The following CORO2A variants were observed in gnomAD, a reference collection of about 807,000 sequenced individuals.
The protein encoded by CORO2A is coronin-2A.
CORO2A carries 47 observed loss-of-function variants against 62.4 expected under a neutral mutation model. The ratio of observed to expected loss-of-function variants is 0.75; its 90% CI spans 0.60 to 0.96. The LOEUF is 0.96. Ranked by LOEUF, CORO2A falls within the 40% of genes least tolerant of loss-of-function variation. The pLI is 0.00. For synonymous variants in CORO2A, 273 were observed against 268.9 expected (o/e 1.02, Z -0.15); for missense variants, 610 against 684.1 (o/e 0.89, Z 1.21).
chr9:98,174,661 T>C (rs1183581264), intron 1 of CORO2A, among the ~76,000 whole-genome samples: 1 of 152,152 alleles, frequency 6.6e-6, no homozygotes, highest in Non-Finnish European at 1.5e-5. Flanking sequence ...TCATGAGATC[T>C]GATGGTTGAA....
At chr9:98,146,632 T>C (rs1356736818) in intron 2 of CORO2A, among the ~76,000 whole-genome samples, 4 of 152,228 alleles carry the variant, frequency 2.6e-5, no homozygotes, top group African/African-American at 9.6e-5. Context: ...CAGAACGTAA[T>C]CCTGGTAACA....
In CORO2A at chr9:98,124,917, A is replaced by C. The variant is rs985551401; in HGVS notation, c.1447-12T>G. The C allele has an allele frequency of 7.7e-6, 12 of 1,556,728 alleles. No homozygotes were observed. The highest frequency in any genetic ancestry group is 1.0e-5 in the Non-Finnish European group (12 of 1,149,060). ...AACATCTGCAGCAACTGGGGAAGAA[A>C]GATCGGAAGGCAGGATCACCATGGT... is the stretch of plus-strand genomic sequence containing the variant. On this transcript the variant is annotated splice_polypyrimidine_tract_variant and intron_variant, in intron 11 of 11. Transcript: ENST00000375077.
chr9:98,140,929 G>T (rs576447518), intron 2 of CORO2A, among the ~76,000 whole-genome samples: 1 of 152,102 alleles, frequency 6.6e-6, no homozygotes, highest in Non-Finnish European at 1.5e-5. Context: ...AAACAAGAAC[G>T]GTAGATTACA....
At chr9:98,130,877 G>T in intron 7 of CORO2A, 78 bp downstream of exon 7, 2 of 1,227,412 alleles carry the variant, frequency 1.6e-6, no homozygotes, top group Non-Finnish European at 2.3e-6. Flanking sequence ...CCTGCCCTGT[G>T]TTCCCAATGG....
intron 1 of CORO2A, among the ~76,000 whole-genome samples, chr9:98,158,675 AAAGG>A (rs1348742626): frequency 3.3e-5 from 5 of 152,128 alleles, no homozygotes. Context: ...AGGGCTTCTC[AAAGG>A]AAGTGACAAC....
intron 7 of CORO2A, among the ~76,000 whole-genome samples, 187 bp downstream of exon 7, chr9:98,130,768 G>A (rs1367727035): frequency 6.6e-6 from 1 of 152,204 alleles, no homozygotes; most frequent in Non-Finnish European, 1.5e-5. Flanking sequence ...AGGTCAAGGT[G>A]TCCAGCCAGA....
intron 1 of CORO2A, among the ~76,000 whole-genome samples, chr9:98,178,418 A>G (rs1828136101): frequency 1.3e-5 from 2 of 152,246 alleles, no homozygotes; most frequent in South Asian, 4.1e-4. Context: ...ATTTTTCAGT[A>G]CGAATCTTTA....
intron 1 of CORO2A, among the ~76,000 whole-genome samples, chr9:98,183,656 A>G (rs949625842): frequency 6.6e-6 from 1 of 152,228 alleles, no homozygotes; most frequent in African/African-American, 2.4e-5. Context: ...AAAAAATACA[A>G]ATTTAAAAAT....
intron 8 of CORO2A, 134 bp from the exon 9 acceptor site, chr9:98,128,853 G>A (rs1015161090): frequency 7.1e-5 from 47 of 659,054 alleles, no homozygotes; most frequent in Non-Finnish European, 1.1e-4. Context: ...GACAAATACC[G>A]ACACTGGGCT....
intron 2 of CORO2A, among the ~76,000 whole-genome samples, chr9:98,141,173 T>G (rs76790287): frequency 6.6e-6 from 1 of 151,774 alleles, no homozygotes; most frequent in Non-Finnish European, 1.5e-5. Context: ...GTGATGTGCA[T>G]GGAGGGAGGT....
Position 98,192,593 on chromosome 9 carries a change from G to GCGGCGT in CORO2A, c.-41_-36dup, listed in dbSNP as rs1333957686. On this transcript the variant is annotated 5_prime_UTR_variant, in exon 1 of 12. Coordinates refer to ENST00000375077, the MANE Select transcript of CORO2A (RefSeq NM_052820.4). ...TGCCGCGCAGGTGGCGGTGGCGGCG[G>GCGGCGT]CGGCGTCCAGCTCCGGCTCCGCGCT... The GCGGCGT allele has an allele frequency of 4.0e-5, 6 of 150,762 alleles. No individual in the cohort carries two copies. Among genetic ancestry groups the GCGGCGT allele is most frequent in the African/African-American group, 1.5e-4 (6 of 41,270 alleles). 9.3% of individuals were successfully genotyped at this position (150,762 alleles called of 1,614,324 possible).
At chr9:98,132,722 G>A (rs1307527055) in intron 5 of CORO2A, among the ~76,000 whole-genome samples, 3 of 152,178 alleles carry the variant, frequency 2.0e-5, no homozygotes, top group Non-Finnish European at 2.9e-5. Context: ...GCTAAACAGT[G>A]GTATCGTCGG....
At chr9:98,152,615 A>G (rs1827740353) in intron 2 of CORO2A, among the ~76,000 whole-genome samples, 1 of 152,188 alleles carries the variant, frequency 6.6e-6, no homozygotes. Context: ...CCCTTTATGA[A>G]TGATATTTGC....
At chr9:98,127,770 A>G (rs886299817) in intron 10 of CORO2A, among the ~76,000 whole-genome samples, 3 of 132,870 alleles carry the variant, frequency 2.3e-5, no homozygotes, top group African/African-American at 8.4e-5. Flanking sequence ...GTGAGCTGAG[A>G]TTGTACCACT....
In CORO2A at chr9:98,157,474, T is replaced by C; in HGVS notation, c.187A>G (p.Ile63Val). 6.2e-7 allele frequency: 1 copy of C among 1,614,124 alleles called. No homozygotes were observed. The highest frequency in any genetic ancestry group is 8.5e-7 in the Non-Finnish European group (1 of 1,180,012). The change falls in exon 2 of 12, where the codon ATC (isoleucine) becomes GTC (valine). Residue 63 changes from isoleucine (I) to valine (V), a missense_variant. Transcript: ENST00000375077. The part of the protein sequence containing the change: ...ECAGGGAFLV[I>V]PLHQTGKLDP... ...GGTGTCCTTACCTGGTGCAGGGGGATGACGAGGAAGGCCCCTCCACCAGCA... is the reference window on the plus strand; with the variant it reads ...GGTGTCCTTACCTGGTGCAGGGGGACGACGAGGAAGGCCCCTCCACCAGCA...
chr9:98,148,097 G>GAAAAAAAAAAA (rs374306151), intron 2 of CORO2A, among the ~76,000 whole-genome samples: 1 of 142,736 alleles, frequency 7.0e-6, no homozygotes, highest in African/African-American at 2.6e-5. Context: ...AAAAAAAAAA[G>GAAAAAAAAAAA]AAAAAAAAAA....
chr9:98,169,811 C>G (rs1357736813), intron 1 of CORO2A, among the ~76,000 whole-genome samples: 1 of 152,194 alleles, frequency 6.6e-6, no homozygotes, highest in African/African-American at 2.4e-5. Context: ...ACTAAGCCAG[C>G]TCAGGTAAGT....
intron 9 of CORO2A, 42 bp from the exon 10 acceptor site, chr9:98,128,302 G>T: frequency 6.6e-7 from 1 of 1,525,170 alleles, no homozygotes; most frequent in Non-Finnish European, 9.1e-7. Flanking sequence ...GGTAGGGTAG[G>T]CTGCTCAGAT....
At position 98,122,242 on chromosome 9, in the gene CORO2A, A is replaced by G. The variant is rs1169671254; in HGVS notation, c.*2532T>C. 6.6e-6 allele frequency: 1 copy of G among 152,152 alleles called. No individual in the cohort carries two copies. The highest frequency in any genetic ancestry group is 2.4e-5 in the African/African-American group (1 of 41,422). 9.4% of individuals were successfully genotyped at this position (152,152 alleles called of 1,614,324 possible). The stretch of plus-strand genomic sequence containing the variant: ...CAAATAGGTACACATGCAGTCTTCC[A>G]TCTTCACTGTACTGCAGATCACCTG... On this transcript the variant is annotated 3_prime_UTR_variant, in exon 12 of 12. Transcript: ENST00000375077.
Sources: allele counts gnomAD v4.1 joint callset (sites outside exome capture counted in the v4.1 genomes callset), GRCh38; gene constraint gnomAD v4.1.1; transcripts MANE v1.5; gene names NCBI Gene and HGNC (gene_info 2026-07-23, HGNC 2026-07-21).